PLS3: variants seen among roughly 807,000 people sequenced by gnomAD.
PLS3 encodes plastin 3.
PLS3 carries 11 observed loss-of-function variants against 46.5 expected under a neutral mutation model. That is an observed-to-expected ratio of 0.24 (90% CI 0.15 to 0.39). The LOEUF (loss-of-function observed/expected upper bound fraction) is 0.39. Ranked by LOEUF, PLS3 falls within the 10% of genes least tolerant of loss-of-function variation. PLS3 has a pLI of 1.00. For synonymous variants in PLS3, 167 were observed against 162.2 expected (o/e 1.03, Z -0.22); for missense variants, 308 against 461.8 (o/e 0.67, Z 3.05).
At chrX:115,630,402 C>T (rs1556639110) in intron 5 of PLS3, among the ~76,000 whole-genome samples, 1 of 110,579 alleles carries the variant, frequency 9.0e-6, no homozygotes, top group African/African-American at 3.3e-5. Context: ...ACATTATCAA[C>T]ACTGCCAGTC....
chrX:115,612,997 G>A (rs2074561623), intron 2 of PLS3, among the ~76,000 whole-genome samples: 1 of 111,522 alleles, frequency 9.0e-6, no homozygotes, highest in African/African-American at 3.3e-5. Context: ...AAAACACTTA[G>A]GTATTAATAT....
chrX:115,643,426 A>G lies in PLS3; in HGVS notation c.1101A>G (p.Leu367=), dbSNP rs1859671. ...DVVSGNPKLN[L]AFVANLFNKY... is the part of the protein sequence containing the mutation. ...TCAGTGGAAACCCCAAACTCAACTTAGCTTTCGTGGCTAACCTGTTTAATA... is the reference window on the plus strand; with the variant it reads ...TCAGTGGAAACCCCAAACTCAACTTGGCTTTCGTGGCTAACCTGTTTAATA... Residue 367 remains leucine (L), a synonymous_variant, in exon 10 of 16, where the codon TTA becomes TTG. Transcript: ENST00000355899. 272 of 1,200,479 alleles carry G rather than the reference A, an allele frequency of 2.3e-4. No individual in the cohort carries two copies. The highest frequency in any genetic ancestry group is 2.9e-4 in the Admixed American group (13 of 45,568).
intron 1 of PLS3, among the ~76,000 whole-genome samples, chrX:115,567,342 A>C (rs1312322727): frequency 9.0e-6 from 1 of 111,154 alleles, no homozygotes; most frequent in African/African-American, 3.3e-5. Context: ...CACATCTGTC[A>C]TCCCAACACT....
chrX:115,600,882 TAGAG>T (rs1227541635), intron 1 of PLS3, among the ~76,000 whole-genome samples: 1 of 109,861 alleles, frequency 9.1e-6, no homozygotes, highest in African/African-American at 3.3e-5. Flanking sequence ...AGAATTTGGA[TAGAG>T]AGAGAGGAAA....
chrX:115,585,120 C>T (rs1047441522), intron 1 of PLS3, among the ~76,000 whole-genome samples: 6 of 111,030 alleles, frequency 5.4e-5, no homozygotes, highest in African/African-American at 9.8e-5. Flanking sequence ...AAAGAAATAC[C>T]GCTTAGAAAG....
At chrX:115,642,176 A>T (rs1221332824) in intron 9 of PLS3, among the ~76,000 whole-genome samples, 4 of 108,030 alleles carry the variant, frequency 3.7e-5, no homozygotes, top group African/African-American at 1.0e-4. Context: ...ACCACGTCCA[A>T]CCAAGGCCTA....
Position 115,586,496 on chromosome X carries a change from C to T in PLS3, c.-8-23747C>T, listed in dbSNP as rs1359118867. Among the ~76,000 whole-genome samples, 20 of 96,736 alleles carry T rather than the reference C, an allele frequency of 2.1e-4. No individual in the cohort carries two copies. The East Asian group carries it at 3.4e-3, about 16-fold the overall frequency. The allele number at this position is 96,736 out of a possible 115,157, so 84.0% of individuals were successfully genotyped here. On this transcript the variant is annotated intron_variant, in intron 1 of 15. Transcript: ENST00000355899. ...CTAGCCTGGCCAACATAGTGAAACC[C>T]GGTCTCTACTAAAAATACAAAAAAA...
chrX:115,590,113 C>T (rs146834428), intron 1 of PLS3, among the ~76,000 whole-genome samples: 3,741 of 111,582 alleles, frequency 0.034, 157 homozygotes, highest in African/African-American at 0.12. Flanking sequence ...ACCTCAGCCT[C>T]GCAAAGTGCT....
intron 1 of PLS3, among the ~76,000 whole-genome samples, chrX:115,599,624 C>CATT (rs781845776): frequency 2.1e-3 from 198 of 93,863 alleles, no homozygotes; most frequent in African/African-American, 3.4e-3. Context: ...TGGAGAAACA[C>CATT]ATTATTATTA....
chrX:115,610,529 A>G (rs1201121625), intron 2 of PLS3, among the ~76,000 whole-genome samples: 25 of 105,743 alleles, frequency 2.4e-4, no homozygotes, highest in African/African-American at 7.2e-4. Context: ...TATTATTTCC[A>G]ATTTTATGTA....
intron 3 of PLS3, among the ~76,000 whole-genome samples, chrX:115,623,903 T>A (rs903571345): frequency 1.8e-5 from 2 of 112,186 alleles, no homozygotes; most frequent in Non-Finnish European, 3.8e-5. Flanking sequence ...TGATGCCTAC[T>A]CAGCTGACAG....
At chrX:115,573,947 G>T (rs1005270406) in intron 1 of PLS3, among the ~76,000 whole-genome samples, 1 of 111,045 alleles carries the variant, frequency 9.0e-6, no homozygotes, top group African/African-American at 3.3e-5. Context: ...CAAGCGATCT[G>T]CCCACCTCGA....
intron 3 of PLS3, among the ~76,000 whole-genome samples, chrX:115,624,074 C>CA (rs1556638065): frequency 1.8e-5 from 2 of 110,115 alleles, no homozygotes; most frequent in African/African-American, 6.6e-5. Context: ...ACTAAAAATA[C>CA]AAAAACTATC....
At chrX:115,579,041 A>G (rs2074265653) in intron 1 of PLS3, among the ~76,000 whole-genome samples, 1 of 111,570 alleles carries the variant, frequency 9.0e-6, no homozygotes, top group African/African-American at 3.3e-5. Flanking sequence ...TTGTCCTTTG[A>G]TAACAACACA....
At chrX:115,566,938 G>C (rs942659855) in intron 1 of PLS3, among the ~76,000 whole-genome samples, 1 of 104,035 alleles carries the variant, frequency 9.6e-6, no homozygotes, top group Non-Finnish European at 2.0e-5. Flanking sequence ...TGGCCTCCCA[G>C]AGTGCTGGGA....
chrX:115,571,494 G>A (rs1276087476), intron 1 of PLS3, among the ~76,000 whole-genome samples: 1 of 101,661 alleles, frequency 9.8e-6, no homozygotes, highest in African/African-American at 3.7e-5. Context: ...CTCCAGCCTG[G>A]GTGACAGAGC....
At chrX:115,648,099 T>A in intron 15 of PLS3, 82 bp downstream of exon 15, 1 of 774,359 alleles carries the variant, frequency 1.3e-6, no homozygotes, top group Non-Finnish European at 1.9e-6. Flanking sequence ...TTCTGCCATT[T>A]AAGAGTGGTG....
In PLS3 at chrX:115,637,548, A is replaced by C. The variant is rs781810543; in HGVS notation, c.891+570A>C. On this transcript the variant is annotated intron_variant, in intron 8 of 15. Transcript: ENST00000355899. ...CCCTCATATTTCTTGCATTGAATTGAATTTTTTTTTCACTCACTGTTTATC... is the reference window on the plus strand; with the variant it reads ...CCCTCATATTTCTTGCATTGAATTGCATTTTTTTTTCACTCACTGTTTATC... Among the ~76,000 whole-genome samples, 92 of 111,804 alleles carry C rather than the reference A, an allele frequency of 8.2e-4. 1 individual carries two copies. Among genetic ancestry groups the C allele is most frequent in the African/African-American group, 2.7e-3 (84 of 30,811 alleles).
intron 3 of PLS3, among the ~76,000 whole-genome samples, chrX:115,624,872 A>G (rs1223002747): frequency 8.9e-6 from 1 of 112,213 alleles, no homozygotes; most frequent in Non-Finnish European, 1.9e-5. Flanking sequence ...TTTCAAATGA[A>G]AAGAAACAAA....
Sources: gnomAD v4.1 joint callset for allele counts (sites outside exome capture counted in the v4.1 genomes callset) on GRCh38, gnomAD v4.1.1 for gene constraint, MANE v1.5 for transcripts, NCBI Gene and HGNC (gene_info 2026-07-23, HGNC 2026-07-21) for gene names.